The following ZCCHC2 variants were observed in gnomAD, a reference collection of about 807,000 sequenced individuals.
The protein encoded by ZCCHC2 is zinc finger CCHC domain-containing protein 2.
A neutral mutation model predicts 103.6 loss-of-function variants in ZCCHC2; 39 were observed. That is an observed-to-expected ratio of 0.38 (90% CI 0.29 to 0.49). The LOEUF (loss-of-function observed/expected upper bound fraction) is 0.49, where lower values mean the gene tolerates loss of function less well. Among genes scored for constraint, ZCCHC2 ranks in the 20% least tolerant of loss-of-function variants. The pLI is 0.96. For synonymous variants in ZCCHC2, 687 were observed against 608.9 expected (o/e 1.13, Z -1.89); for missense variants, 1,483 against 1,491.0 (o/e 0.99, Z 0.09).
intron 12 of ZCCHC2, among the ~76,000 whole-genome samples, chr18:62,571,759 C>G (rs1916607538): frequency 6.6e-6 from 1 of 152,236 alleles, no homozygotes; most frequent in Non-Finnish European, 1.5e-5. Context: ...ATCCTTACCA[C>G]ATATTGTTTC....
downstream of ZCCHC2, among the ~76,000 whole-genome samples, chr18:62,582,508 A>G (rs1252539510): frequency 1.3e-5 from 2 of 151,866 alleles, no homozygotes; most frequent in African/African-American, 4.8e-5. Context: ...TGAAACCCCG[A>G]ATCTACCAAA....
In ZCCHC2 at chr18:62,574,360, C is replaced by T. The variant is rs1248130181; in HGVS notation, c.2279C>T (p.Ala760Val). 3 of 1,614,012 alleles carry T rather than the reference C, an allele frequency of 1.9e-6. No homozygotes were observed. The highest frequency in any genetic ancestry group is 1.7e-5 in the Admixed American group (1 of 60,022). ...MLVPSPVAIS[A>V]IRESANSTPV... is the part of the protein sequence containing the mutation. ...GTTCCTAGTCCTGTTGCTATTTCTGCAATAAGGGAGTCTGCAAATTCAACC... is the reference window on the plus strand; with the variant it reads ...GTTCCTAGTCCTGTTGCTATTTCTGTAATAAGGGAGTCTGCAAATTCAACC... Residue 760 changes from alanine (A) to valine (V), a missense_variant, in exon 13 of 14, where the codon GCA becomes GTA. Physicochemically the swap from Ala to Val is moderately conservative, Grantham distance 64. Around this residue, in one of 3 missense-constraint regions of ZCCHC2, gnomAD observed 884 missense variants for 907.5 expected, o/e 0.97. Coordinates refer to ENST00000269499, the MANE Select transcript of ZCCHC2 (RefSeq NM_017742.6).
Position 62,524,072 on chromosome 18 carries a change from C to T in ZCCHC2, c.648C>T (p.Gly216=), listed in dbSNP as rs1400703308. ...RAARGEGSRG[G]AEDERGEDGD... Reference sequence around the variant, plus strand: ...CCCGGGGCGAGGGCTCGCGGGGCGGCGCGGAGGACGAGCGCGGCGAGGACG... The same window carrying T: ...CCCGGGGCGAGGGCTCGCGGGGCGGTGCGGAGGACGAGCGCGGCGAGGACG... The change falls in exon 1 of 14, where the codon GGC becomes GGT. Residue 216 remains glycine, a synonymous_variant. Coordinates refer to ENST00000269499, the MANE Select transcript of ZCCHC2 (RefSeq NM_017742.6). The T allele has an allele frequency of 5.3e-6, 8 of 1,498,612 alleles. No individual in the cohort carries two copies. In the African/African-American group the frequency reaches 1.2e-4, roughly 22 times the overall value. The allele number at this position is 1,498,612 out of a possible 1,614,324, so 92.8% of individuals were successfully genotyped here.
At chr18:62,531,441 A>C (rs945472962) in intron 1 of ZCCHC2, among the ~76,000 whole-genome samples, 2 of 152,186 alleles carry the variant, frequency 1.3e-5, no homozygotes, top group Non-Finnish European at 2.9e-5. Context: ...GGTCAGATTT[A>C]TATTTTGAAA....
chr18:62,572,398 C>T (rs1009879603), intron 12 of ZCCHC2, among the ~76,000 whole-genome samples: 10 of 152,182 alleles, frequency 6.6e-5, no homozygotes, highest in African/African-American at 2.4e-4. Flanking sequence ...CCCTCTTCTG[C>T]CATCAGATGG....
chr18:62,525,707 C>G (rs376464015), intron 1 of ZCCHC2, among the ~76,000 whole-genome samples: 1 of 151,898 alleles, frequency 6.6e-6, no homozygotes, highest in South Asian at 2.1e-4. Context: ...CGTATTTTAT[C>G]AAACTCAGAT....
intron 1 of ZCCHC2, among the ~76,000 whole-genome samples, chr18:62,535,623 A>C (rs970521713): frequency 6.6e-6 from 1 of 152,112 alleles, no homozygotes; most frequent in Non-Finnish European, 1.5e-5. Context: ...GGAGAAGTGC[A>C]TGTCTCATGT....
Position 62,523,940 on chromosome 18 carries a change from C to T in ZCCHC2, c.516C>T (p.Arg172=). The stretch of plus-strand genomic sequence containing the variant: ...TCCGAGAGCCCGCGGTGCGCTCGCG[C>T]CTCATCGTCTACCTGGCGCTGCTGG... ...ADFREPAVRS[R]LIVYLALLGS... is the part of the protein sequence containing the mutation. Residue 172 remains arginine (R), a synonymous_variant, in exon 1 of 14, where the codon CGC becomes CGT. Coordinates refer to ENST00000269499, the MANE Select transcript of ZCCHC2 (RefSeq NM_017742.6). 2 of 1,523,818 alleles carry T rather than the reference C, an allele frequency of 1.3e-6. No individual in the cohort carries two copies. The highest frequency in any genetic ancestry group is 1.8e-6 in the Non-Finnish European group (2 of 1,139,672). 94.4% of individuals were successfully genotyped at this position (1,523,818 alleles called of 1,614,324 possible). A position where few individuals can be genotyped will look rare whatever the true frequency, so the allele number is the denominator to read the frequency against.
intron 12 of ZCCHC2, among the ~76,000 whole-genome samples, chr18:62,573,689 G>A (rs1916679095): frequency 6.6e-6 from 1 of 152,168 alleles, no homozygotes; most frequent in African/African-American, 2.4e-5. Flanking sequence ...AACTTGGGTT[G>A]GCAGTGCAGA....
intron 3 of ZCCHC2, among the ~76,000 whole-genome samples, chr18:62,543,550 CT>C (rs1402721667): frequency 6.6e-6 from 1 of 152,180 alleles, no homozygotes; most frequent in East Asian, 1.9e-4. Flanking sequence ...AGGCTGGCCT[CT>C]TTTGCTGCTG....
At chr18:62,543,761 A>C (rs1027540223) in intron 3 of ZCCHC2, among the ~76,000 whole-genome samples, 1 of 152,134 alleles carries the variant, frequency 6.6e-6, no homozygotes, top group Non-Finnish European at 1.5e-5. Flanking sequence ...CTGATCACTG[A>C]TGGAAATTCT....
chr18:62,523,327 C>G lies in ZCCHC2; in HGVS notation c.-98C>G. On this transcript the variant is annotated 5_prime_UTR_variant, in exon 1 of 14. Coordinates refer to ENST00000269499, the MANE Select transcript of ZCCHC2 (RefSeq NM_017742.6). Reference sequence around the variant, plus strand: ...CCCTCCCCCGGCGGCATGGAGGGGCCCCGCTCCTGACGGCCGCGCCGCCGC... The same window carrying G: ...CCCTCCCCCGGCGGCATGGAGGGGCGCCGCTCCTGACGGCCGCGCCGCCGC... 3.0e-6 allele frequency: 3 copies of G among 985,656 alleles called. 1 individual carries two copies. The highest frequency in any genetic ancestry group is 4.5e-5 in the South Asian group (1 of 22,236). The allele number at this position is 985,656 out of a possible 1,614,324, so 61.1% of individuals were successfully genotyped here.
At position 62,574,698 on chromosome 18, in the gene ZCCHC2, T is replaced by C; in HGVS notation, c.2617T>C (p.Ser873Pro). 2 of 1,613,942 alleles carry C rather than the reference T, an allele frequency of 1.2e-6. No individual in the cohort carries two copies. The highest frequency in any genetic ancestry group is 1.7e-6 in the Non-Finnish European group (2 of 1,179,870). Residue 873 changes from serine to proline, a missense_variant, in exon 13 of 14, where the codon TCC becomes CCC. Ser to Pro is a moderately conservative substitution (Grantham distance 74). Around this residue, in one of 3 missense-constraint regions of ZCCHC2, gnomAD observed 884 missense variants for 907.5 expected, o/e 0.97. Coordinates refer to ENST00000269499, the MANE Select transcript of ZCCHC2 (RefSeq NM_017742.6). The part of the protein sequence containing the change: ...ATTDPITKSA[S>P]QVVGLNQMVP... Reference sequence around the variant, plus strand: ...CACGGACCCCATCACAAAATCTGCATCCCAAGTGGTAGGACTCAATCAAAT... The same window carrying C: ...CACGGACCCCATCACAAAATCTGCACCCCAAGTGGTAGGACTCAATCAAAT...
chr18:62,550,344 C>T lies in ZCCHC2; in HGVS notation c.1201-4C>T, dbSNP rs1320101962. 1 of 1,606,460 alleles carries T rather than the reference C, an allele frequency of 6.2e-7. No individual in the cohort carries two copies. Among genetic ancestry groups the T allele is most frequent in the African/African-American group, 1.3e-5 (1 of 74,672 alleles). ...CATTGGATATTGTGGTTTTTCTTTT[C>T]TAGCTTCCAAAGGAACTGTCTTCAG... On this transcript the variant is annotated splice_region_variant and splice_polypyrimidine_tract_variant and intron_variant, in intron 4 of 13. Transcript: ENST00000269499.
Position 62,550,376 on chromosome 18 carries a change from T to C in ZCCHC2, c.1229T>C (p.Phe410Ser), listed in dbSNP as rs1915611295. The C allele has an allele frequency of 1.2e-6, 2 of 1,613,750 alleles. No homozygotes were observed. The highest frequency in any genetic ancestry group is 1.3e-5 in the African/African-American group (1 of 74,916). ...CCAAAGGAACTGTCTTCAGAGACTT[T>C]TGACAAGACCATCTTAAGAGCCCTG... ...KLPKELSSET[F>S]DKTILRALNQ... Residue 410 changes from phenylalanine (F) to serine (S), a missense_variant, in exon 5 of 14, where the codon TTT becomes TCT. By Grantham distance (155) the Phe-to-Ser change is radical. Coordinates refer to ENST00000269499, the MANE Select transcript of ZCCHC2 (RefSeq NM_017742.6).
downstream of ZCCHC2, among the ~76,000 whole-genome samples, chr18:62,582,406 A>T (rs1375051733): frequency 6.6e-6 from 1 of 152,276 alleles, no homozygotes; most frequent in African/African-American, 2.4e-5. Context: ...GGCCGGGCAC[A>T]GTGGCTCACT....
At position 62,538,144 on chromosome 18, in the gene ZCCHC2, C is replaced by A. The variant is rs573775996; in HGVS notation, c.940-1537C>A. Among the ~76,000 whole-genome samples the A allele has an allele frequency of 5.9e-5, 9 of 151,668 alleles. No homozygotes were observed. The South Asian group carries it at 1.9e-3, about 32-fold the overall frequency. ...GGTACAATGACTCACACCTGTAATTCCAGCACTTTGGGATGCCGAGTTGAG... is the reference window on the plus strand; with the variant it reads ...GGTACAATGACTCACACCTGTAATTACAGCACTTTGGGATGCCGAGTTGAG... On this transcript the variant is annotated intron_variant, in intron 1 of 13. Transcript: ENST00000269499.
chr18:62,564,859 G>A (rs542857504), intron 10 of ZCCHC2, 143 bp from the exon 11 acceptor site: 19 of 705,462 alleles, frequency 2.7e-5, no homozygotes, highest in East Asian at 5.6e-5. Context: ...AACTTTCCAC[G>A]GAAGGGCGAA....
Position 62,536,479 on chromosome 18 carries a change from C to A in ZCCHC2, c.940-3202C>A, listed in dbSNP as rs761664505. ...ATCTGTTCTGCATTTTCATGGGAATCTGAACTTAACAGATAAAGTGGGTGC... is the reference window on the plus strand; with the variant it reads ...ATCTGTTCTGCATTTTCATGGGAATATGAACTTAACAGATAAAGTGGGTGC... On this transcript the variant is annotated intron_variant, in intron 1 of 13. Coordinates refer to ENST00000269499, the MANE Select transcript of ZCCHC2 (RefSeq NM_017742.6). Among the ~76,000 whole-genome samples, 47 of 152,170 alleles carry A rather than the reference C, an allele frequency of 3.1e-4. 1 individual carries two copies. The highest frequency in any genetic ancestry group is 1.6e-3 in the Admixed American group (24 of 15,272).
Sources: gnomAD v4.1 joint callset for allele counts (sites outside exome capture counted in the v4.1 genomes callset) on GRCh38, gnomAD v4.1.1 for gene constraint, gnomAD v4.1.1 regional missense constraint, MANE v1.5 for transcripts, NCBI Gene and HGNC (gene_info 2026-07-23, HGNC 2026-07-21) for gene names.